The following CREB5 variants were observed in gnomAD, a reference collection of about 807,000 sequenced individuals.
The protein encoded by CREB5 is cAMP responsive element binding protein 5.
Under a neutral mutation model 57.1 loss-of-function variants are expected in CREB5, and 19 were observed. The ratio of observed to expected loss-of-function variants is 0.33; its 90% CI spans 0.23 to 0.49. CREB5 has a LOEUF of 0.49. CREB5 is among the 20% of genes least tolerant of loss of function. The pLI, the probability that CREB5 is intolerant of heterozygous loss-of-function variation, is 0.99. For synonymous variants in CREB5, 238 were observed against 238.3 expected, an observed-to-expected ratio of 1.00 and a Z score of 0.01; for missense variants, 579 against 671.6, an observed-to-expected ratio of 0.86 and a Z score of 1.52.
intron 5 of CREB5, among the ~76,000 whole-genome samples, chr7:28,591,432 G>C (rs146776192): frequency 3.9e-5 from 6 of 152,002 alleles, no homozygotes; most frequent in Admixed American, 6.6e-5. Context: ...GCTTAGTACC[G>C]TGCTTGTAAT....
At chr7:28,639,535 T>C (rs1286379638) in intron 5 of CREB5, among the ~76,000 whole-genome samples, 3 of 152,208 alleles carry the variant, frequency 2.0e-5, no homozygotes, top group Non-Finnish European at 2.9e-5. Flanking sequence ...TTTTAATTTT[T>C]CATAATACAA....
intron 5 of CREB5, among the ~76,000 whole-genome samples, chr7:28,714,194 G>A (rs879700547): frequency 6.6e-6 from 1 of 151,958 alleles, no homozygotes. Flanking sequence ...CGAACTCCTG[G>A]GCTTAAATGA....
chr7:28,498,986 A>G lies in CREB5; in HGVS notation c.169+3987A>G, dbSNP rs575743826. Among the ~76,000 whole-genome samples, 5 of 152,300 alleles carry G rather than the reference A, an allele frequency of 3.3e-5. No homozygotes were observed. In the East Asian group the frequency reaches 7.7e-4, roughly 24 times the overall value. On this transcript the variant is annotated intron_variant, in intron 3 of 10. Transcript: ENST00000357727. ...AATGCACATCCATAGGCAGCTTTCA[A>G]AATTACAAGCTATTATATGATGCAA...
intron 1 of CREB5, among the ~76,000 whole-genome samples, chr7:28,414,765 T>C (rs1787961425): frequency 6.6e-6 from 1 of 152,140 alleles, no homozygotes; most frequent in Non-Finnish European, 1.5e-5. Context: ...GAATCACAAA[T>C]CATAGATTTA....
At chr7:28,668,931 G>T (rs1028455648) in intron 5 of CREB5, among the ~76,000 whole-genome samples, 1 of 152,112 alleles carries the variant, frequency 6.6e-6, no homozygotes, top group Non-Finnish European at 1.5e-5. Context: ...TCTAGACCTT[G>T]TCCTTTCACT....
chr7:28,370,444 G>A (rs1357220645), intron 1 of CREB5, among the ~76,000 whole-genome samples: 1 of 152,128 alleles, frequency 6.6e-6, no homozygotes, highest in Admixed American at 6.5e-5. Context: ...GTGTTTGGGA[G>A]GATAAAAGTG....
chr7:28,310,564 A>G (rs969901129), intron 1 of CREB5, among the ~76,000 whole-genome samples: 4 of 152,200 alleles, frequency 2.6e-5, no homozygotes, highest in South Asian at 2.1e-4. Flanking sequence ...TTTCACATCA[A>G]TTTTGCTCTT....
intron 5 of CREB5, among the ~76,000 whole-genome samples, chr7:28,685,316 T>C (rs1165501417): frequency 6.6e-6 from 1 of 152,138 alleles, no homozygotes; most frequent in Non-Finnish European, 1.5e-5. Flanking sequence ...GGGTGACCCA[T>C]AGGGGCCAAG....
intron 1 of CREB5, among the ~76,000 whole-genome samples, chr7:28,345,325 C>T (rs1462429802): frequency 6.7e-6 from 1 of 148,696 alleles, no homozygotes; most frequent in Non-Finnish European, 1.5e-5. Context: ...TAACACAAAA[C>T]ATGTCTTAAC....
At chr7:28,725,568 A>G (rs776811000) in intron 7 of CREB5, among the ~76,000 whole-genome samples, 12 of 152,000 alleles carry the variant, frequency 7.9e-5, no homozygotes, top group Non-Finnish European at 1.6e-4. Context: ...GCTGAGCCAA[A>G]CCAAATACTT....
At chr7:28,498,070 T>A (rs1221451965) in intron 3 of CREB5, among the ~76,000 whole-genome samples, 4 of 152,078 alleles carry the variant, frequency 2.6e-5, no homozygotes, top group Non-Finnish European at 5.9e-5. Context: ...ATTATAATAC[T>A]TTTTTTTCTT....
intron 5 of CREB5, among the ~76,000 whole-genome samples, chr7:28,655,155 A>T (rs1799286948): frequency 6.6e-6 from 1 of 152,124 alleles, no homozygotes; most frequent in South Asian, 2.1e-4. Context: ...TGCCTGTGTC[A>T]GCCCCCCAAA....
chr7:28,330,562 A>T (rs1439827766), intron 1 of CREB5, among the ~76,000 whole-genome samples: 1 of 151,534 alleles, frequency 6.6e-6, no homozygotes, highest in African/African-American at 2.4e-5. Flanking sequence ...GCATTCTTTG[A>T]TGATTCATTT....
chr7:28,585,160 A>C lies in CREB5; in HGVS notation c.464+14623A>C, dbSNP rs141655077. On this transcript the variant is annotated intron_variant, in intron 5 of 10. Coordinates refer to ENST00000357727, the MANE Select transcript of CREB5 (RefSeq NM_182898.4). ...TAGTAGTTGCGGGATTCTGAAGCAC[A>C]CACTTCTTGTTGATTAAGCTGTCTG... Among the ~76,000 whole-genome samples, 48 of 152,342 alleles carry C rather than the reference A, an allele frequency of 3.2e-4. No individual in the cohort carries two copies. In the East Asian group the frequency reaches 9.2e-3, roughly 29 times the overall value.
chr7:28,414,168 CCTTCTT>C (rs982151339), intron 1 of CREB5, among the ~76,000 whole-genome samples: 1 of 151,786 alleles, frequency 6.6e-6, no homozygotes, highest in Non-Finnish European at 1.5e-5. Flanking sequence ...TTCTCCTTCT[CCTTCTT>C]CTTCTTCTAA....
chr7:28,580,429 C>CACACACA (rs561890036), intron 5 of CREB5, among the ~76,000 whole-genome samples: 1 of 130,878 alleles, frequency 7.6e-6, no homozygotes, highest in Non-Finnish European at 1.6e-5. Context: ...TCCCCCCCCA[C>CACACACA]CACACACACA....
chr7:28,299,601 G>T (rs543581414), intron 1 of CREB5, among the ~76,000 whole-genome samples: 13 of 152,254 alleles, frequency 8.5e-5, no homozygotes, highest in South Asian at 4.2e-4. Flanking sequence ...TTCCCTCATT[G>T]CAGAAAGCTC....
intron 1 of CREB5, among the ~76,000 whole-genome samples, chr7:28,344,984 C>T (rs543007550): frequency 6.6e-6 from 1 of 152,102 alleles, no homozygotes; most frequent in East Asian, 1.9e-4. Context: ...ATTTATGCAC[C>T]CAACATCAGA....
chr7:28,596,686 G>A (rs2128667369), intron 5 of CREB5, among the ~76,000 whole-genome samples: 1 of 152,278 alleles, frequency 6.6e-6, no homozygotes, highest in African/African-American at 2.4e-5. Flanking sequence ...CCTTGGACTT[G>A]TTTACTTTCT....
Sources: gnomAD v4.1 joint callset for allele counts (sites outside exome capture counted in the v4.1 genomes callset) on GRCh38, gnomAD v4.1.1 for gene constraint, MANE v1.5 for transcripts, NCBI Gene and HGNC (gene_info 2026-07-23, HGNC 2026-07-21) for gene names.